RFX8: variants seen among roughly 807,000 people sequenced by gnomAD.
RFX8 encodes regulatory factor X8.
Under a neutral mutation model 54.6 loss-of-function variants are expected in RFX8, and 46 were observed. The ratio of observed to expected loss-of-function variants is 0.84; its 90% CI spans 0.67 to 1.08. The LOEUF is 1.08. Ranked by LOEUF, RFX8 falls within the 50% of genes least tolerant of loss-of-function variation. The pLI, the probability that RFX8 is intolerant of heterozygous loss-of-function variation, is 0.00. For missense variants in RFX8, 536 were observed against 562.3 expected (o/e 0.95, Z 0.47); for synonymous variants, 192 against 209.5 (o/e 0.92, Z 0.72).
intron 2 of RFX8, among the ~76,000 whole-genome samples, chr2:101,431,444 G>C (rs1173399371): frequency 7.9e-6 from 1 of 125,848 alleles, no homozygotes; most frequent in Non-Finnish European, 1.8e-5. Context: ...ATGAGCTCAG[G>C]AGAGCTGCAT....
At chr2:101,420,340 G>T (rs1686793523) in intron 4 of RFX8, among the ~76,000 whole-genome samples, 1 of 152,070 alleles carries the variant, frequency 6.6e-6, no homozygotes, top group Admixed American at 6.6e-5. Context: ...TCAGGAGTTT[G>T]AGAACAGCCT....
At chr2:101,408,768 C>A (rs965963534) in intron 9 of RFX8, among the ~76,000 whole-genome samples, 1 of 152,206 alleles carries the variant, frequency 6.6e-6, no homozygotes. Flanking sequence ...CTTTCCAGCT[C>A]CTTCCTGAGG....
chr2:101,432,543 C>T (rs893533965), intron 2 of RFX8, among the ~76,000 whole-genome samples: 2 of 152,198 alleles, frequency 1.3e-5, no homozygotes, highest in Admixed American at 6.5e-5. Context: ...GTGCAGGGAG[C>T]GTGAGGCCGG....
At position 101,466,859 on chromosome 2, in the gene RFX8, G is replaced by C; in HGVS notation, c.-11C>G. 2 of 1,548,804 alleles carry C rather than the reference G, an allele frequency of 1.3e-6. No homozygotes were observed. The highest frequency in any genetic ancestry group is 3.9e-5 in the Admixed American group (2 of 50,992). Reference sequence around the variant, plus strand: ...GTAAATCTCATACATGAGACAGCGAGGGACGCTGCACTCTTCGCAAATGCA... The same window carrying C: ...GTAAATCTCATACATGAGACAGCGACGGACGCTGCACTCTTCGCAAATGCA... On this transcript the variant is annotated 5_prime_UTR_variant, in exon 2 of 12. Coordinates refer to ENST00000428343, the MANE Select transcript of RFX8 (RefSeq NM_001145664.2).
intron 2 of RFX8, among the ~76,000 whole-genome samples, chr2:101,444,355 G>C (rs888493624): frequency 5.3e-5 from 8 of 152,204 alleles, no homozygotes; most frequent in Admixed American, 2.0e-4. Flanking sequence ...ATAAAAGTAG[G>C]CCAGAACCTA....
chr2:101,454,099 C>T (rs1280242255), intron 2 of RFX8, among the ~76,000 whole-genome samples: 1 of 144,166 alleles, frequency 6.9e-6, no homozygotes, highest in Non-Finnish European at 1.5e-5. Flanking sequence ...TCCCTGTGTT[C>T]ATGTGCTCTC....
In RFX8 at chr2:101,421,778, C is replaced by G; in HGVS notation, c.184-1G>C. 1 of 1,547,918 alleles carries G rather than the reference C, an allele frequency of 6.5e-7. No homozygotes were observed. The highest frequency in any genetic ancestry group is 1.2e-5 in the South Asian group (1 of 83,210). The stretch of plus-strand genomic sequence containing the variant: ...AGTATTCGTCAGCAAGGAAGGCCAT[C>G]TAGGAAGAATATGGAAAATTATTTC... On this transcript the variant is annotated splice_acceptor_variant, in intron 3 of 11. Coordinates refer to ENST00000428343, the MANE Select transcript of RFX8 (RefSeq NM_001145664.2). LOFTEE classifies it high-confidence loss of function.
At chr2:101,429,221 C>T (rs917059883) in intron 2 of RFX8, among the ~76,000 whole-genome samples, 4 of 152,188 alleles carry the variant, frequency 2.6e-5, no homozygotes, top group African/African-American at 4.8e-5. Flanking sequence ...GGGACAACCA[C>T]GCATTTATTT....
chr2:101,435,468 C>A (rs890356156), intron 2 of RFX8, among the ~76,000 whole-genome samples: 3 of 152,086 alleles, frequency 2.0e-5, no homozygotes, highest in Admixed American at 2.0e-4. Flanking sequence ...GAAACAAAAC[C>A]CAGGGATTTT....
At chr2:101,447,428 A>T (rs558307883) in intron 2 of RFX8, among the ~76,000 whole-genome samples, 1 of 152,338 alleles carries the variant, frequency 6.6e-6, no homozygotes, top group South Asian at 2.1e-4. Flanking sequence ...GGAGAATGAG[A>T]AGTCCAAGAT....
chr2:101,424,959 T>C (rs1687093396), intron 2 of RFX8, among the ~76,000 whole-genome samples: 1 of 152,090 alleles, frequency 6.6e-6, no homozygotes, highest in Non-Finnish European at 1.5e-5. Flanking sequence ...GGCACATGTA[T>C]ACCTATGTAA....
At chr2:101,431,029 A>T (rs530855535) in intron 2 of RFX8, among the ~76,000 whole-genome samples, 41 of 152,358 alleles carry the variant, frequency 2.7e-4, no homozygotes, top group African/African-American at 8.9e-4. Flanking sequence ...TTGTGTCAGC[A>T]TGCTACTCCT....
chr2:101,414,131 T>TGGCCACA (rs1686338891), intron 7 of RFX8, among the ~76,000 whole-genome samples: 1 of 152,248 alleles, frequency 6.6e-6, no homozygotes, highest in African/African-American at 2.4e-5. Flanking sequence ...ACTGGTGGCC[T>TGGCCACA]GGCCACACTG....
chr2:101,399,384 GA>G (rs1685303688), intron 11 of RFX8, among the ~76,000 whole-genome samples: 1 of 152,244 alleles, frequency 6.6e-6, no homozygotes, highest in Admixed American at 6.5e-5. Flanking sequence ...CAGCAGGCAT[GA>G]ATGAACAGAA....
intron 2 of RFX8, among the ~76,000 whole-genome samples, chr2:101,440,638 T>A (rs1688048288): frequency 6.6e-6 from 1 of 152,172 alleles, no homozygotes; most frequent in South Asian, 2.1e-4. Flanking sequence ...TCTTTTTCCA[T>A]CATGATCCTG....
intron 2 of RFX8, among the ~76,000 whole-genome samples, chr2:101,423,606 G>T (rs1179014482): frequency 6.6e-6 from 1 of 152,118 alleles, no homozygotes; most frequent in Non-Finnish European, 1.5e-5. Flanking sequence ...TGACCCTATA[G>T]TTCCAAGGTC....
intron 6 of RFX8, 41 bp downstream of exon 6, chr2:101,417,493 A>G: frequency 6.6e-7 from 1 of 1,523,600 alleles, no homozygotes; most frequent in Non-Finnish European, 8.8e-7. Context: ...GGCATGAGCC[A>G]CTGTGCCAGC....
At chr2:101,469,173 T>C (rs1307301320) in intron 1 of RFX8, among the ~76,000 whole-genome samples, 1 of 144,890 alleles carries the variant, frequency 6.9e-6, no homozygotes, top group Admixed American at 7.0e-5. Flanking sequence ...CACACACATA[T>C]ACATGGAGAG....
chr2:101,465,998 A>C (rs1178489154), intron 2 of RFX8, among the ~76,000 whole-genome samples: 1 of 152,348 alleles, frequency 6.6e-6, no homozygotes, highest in African/African-American at 2.4e-5. Context: ...TTCTGTGATT[A>C]TCAAAAGTGT....
Sources: gnomAD v4.1 joint callset for allele counts (sites outside exome capture counted in the v4.1 genomes callset) on GRCh38, gnomAD v4.1.1 for gene constraint, MANE v1.5 for transcripts, NCBI Gene and HGNC (gene_info 2026-07-23, HGNC 2026-07-21) for gene names.